GAB3: variants seen among roughly 807,000 people sequenced by gnomAD.
The protein encoded by GAB3 is GRB2-associated-binding protein 3.
In GAB3, 12 loss-of-function variants were observed where a neutral mutation model predicts 40.4. That is an observed-to-expected ratio of 0.30 (90% CI 0.19 to 0.48). The LOEUF (loss-of-function observed/expected upper bound fraction) is 0.48. GAB3 is among the 20% of genes least tolerant of loss of function. The pLI is 0.99. For missense variants in GAB3, 381 were observed against 461.9 expected (o/e 0.82, Z 1.61); for synonymous variants, 154 against 176.7 (o/e 0.87, Z 1.02).
intron 8 of GAB3, among the ~76,000 whole-genome samples, chrX:154,691,203 A>G (rs1351571928): frequency 7.2e-5 from 7 of 96,863 alleles, no homozygotes; most frequent in Non-Finnish European, 1.4e-4. Context: ...TCACTCATAG[A>G]TGGGAATTGA....
chrX:154,748,894 T>C (rs1433082076), intron 1 of GAB3, among the ~76,000 whole-genome samples: 1 of 111,826 alleles, frequency 8.9e-6, no homozygotes, highest in African/African-American at 3.3e-5. Context: ...CCCGTCGAAG[T>C]GACACATGAT....
rs1019348417 is a variant in GAB3, at chrX:154,676,356, T to A, written c.*1822A>T. 9.0e-6 allele frequency: 1 copy of A among 111,362 alleles called. No homozygotes were observed. The highest frequency in any genetic ancestry group is 3.3e-5 in the African/African-American group (1 of 30,554). The allele number at this position is 111,362 out of a possible 1,213,427, so 9.2% of individuals were successfully genotyped here. On this transcript the variant is annotated 3_prime_UTR_variant, in exon 10 of 10. Transcript: ENST00000424127. ...ACTACCCTCCATGGGAACTAGCAGT[T>A]TGAAGCCCTGGTTTCTTGCCTGAGA...
chrX:154,715,392 T>TTG (rs1310427920), intron 2 of GAB3, among the ~76,000 whole-genome samples: 4 of 105,252 alleles, frequency 3.8e-5, no homozygotes, highest in African/African-American at 1.5e-4. Context: ...ATAGGATGAG[T>TTG]TGTGTGTGTG....
chrX:154,701,338 C>A (rs2070737241), intron 4 of GAB3, among the ~76,000 whole-genome samples: 1 of 112,461 alleles, frequency 8.9e-6, no homozygotes, highest in Non-Finnish European at 1.9e-5. Flanking sequence ...CTACCAGACC[C>A]TTTTAAAGCC....
At chrX:154,748,588 A>T (rs2071563313) in intron 1 of GAB3, among the ~76,000 whole-genome samples, 1 of 112,726 alleles carries the variant, frequency 8.9e-6, no homozygotes, top group South Asian at 3.6e-4. Context: ...GTACAAGCCT[A>T]CTTTGGACTG....
At chrX:154,687,269 G>A (rs2070466935) in intron 8 of GAB3, among the ~76,000 whole-genome samples, 1 of 110,752 alleles carries the variant, frequency 9.0e-6, no homozygotes, top group African/African-American at 3.3e-5. Context: ...CTCAGTAATT[G>A]GAAGATTCAG....
intron 1 of GAB3, among the ~76,000 whole-genome samples, chrX:154,723,421 T>C (rs1442563897): frequency 1.8e-5 from 2 of 111,208 alleles, no homozygotes; most frequent in Admixed American, 9.5e-5. Context: ...AGTCAGAGTA[T>C]AAATAAGAGA....
intron 2 of GAB3, among the ~76,000 whole-genome samples, chrX:154,714,375 T>C (rs2071012221): frequency 9.0e-6 from 1 of 111,677 alleles, no homozygotes; most frequent in African/African-American, 3.3e-5. Context: ...AGAACTGCTG[T>C]GGGGATGAGA....
chrX:154,716,973 G>T (rs782738933), intron 1 of GAB3, among the ~76,000 whole-genome samples: 15 of 111,761 alleles, frequency 1.3e-4, no homozygotes, highest in African/African-American at 4.9e-4. Context: ...TTGTCTAAGC[G>T]CTTTACTGTA....
At chrX:154,744,960 T>G (rs1454009934) in intron 1 of GAB3, among the ~76,000 whole-genome samples, 1 of 111,919 alleles carries the variant, frequency 8.9e-6, no homozygotes, top group African/African-American at 3.3e-5. Flanking sequence ...CAGGGGAAAA[T>G]TAAATAATAC....
rs1557250611 is a variant in GAB3, at chrX:154,696,010, G to A, written c.1437C>T (p.Thr479=). 2 of 1,154,319 alleles carry A rather than the reference G, an allele frequency of 1.7e-6. No individual in the cohort carries two copies. The highest frequency in any genetic ancestry group is 2.4e-6 in the Non-Finnish European group (2 of 846,114). ...TRTRTVPCSR[T]SFLSPERNGI... is the part of the protein sequence containing the mutation. ...CATTTCTTTCTGGAGAGAGAAAGCT[G>A]GTTCGACTGCTAAGAATAAAAATAT... Residue 479 remains threonine, a synonymous_variant, in exon 8 of 10, where the codon ACC becomes ACT. Transcript: ENST00000424127.
chrX:154,697,330 G>T (rs782732055), intron 6 of GAB3, 117 bp from the exon 7 acceptor site: 6 of 454,723 alleles, frequency 1.3e-5, no homozygotes, highest in African/African-American at 1.0e-4. Flanking sequence ...CAGCACTGAT[G>T]ATGAGGGTGA....
At chrX:154,696,175 C>T in intron 7 of GAB3, 156 bp from the exon 8 acceptor site, 1 of 338,557 alleles carries the variant, frequency 3.0e-6, no homozygotes, top group East Asian at 4.1e-5. Flanking sequence ...ACAAAATGCC[C>T]AACAGTTTCT....
At chrX:154,712,788 G>A (rs1326392394) in intron 3 of GAB3, 87 bp from the exon 4 acceptor site, 10 of 518,382 alleles carry the variant, frequency 1.9e-5, no homozygotes, top group Non-Finnish European at 2.7e-5. Flanking sequence ...CATCTCCCCA[G>A]TACCACCTTG....
In GAB3 at chrX:154,716,138, G is replaced by A. The variant is rs1352388718; in HGVS notation, c.264C>T (p.Val88=). 4 of 1,210,839 alleles carry A rather than the reference G, an allele frequency of 3.3e-6. No individual in the cohort carries two copies. The African/African-American group carries it at 7.0e-5, about 21-fold the overall frequency. The change falls in exon 2 of 10, where the codon GTC becomes GTT. Residue 88 remains valine (V), a synonymous_variant. Transcript: ENST00000424127. ...KEFQNNFVFI[V]KTTSRTFYLV... The stretch of plus-strand genomic sequence containing the variant: ...GGTAGAATGTACGGGAAGTAGTCTT[G>A]ACAATGAACACGAAATTATTCTGAA...
rs112482490 is a variant in GAB3, at chrX:154,690,076, T to C, written c.1530+5841A>G. ...ACTGGTACCAAAACAGAGATATAGA[T>C]CAATGGAACAGAACAGAGCCCTCAG... On this transcript the variant is annotated intron_variant, in intron 8 of 9. Transcript: ENST00000424127. Among the ~76,000 whole-genome samples the C allele has an allele frequency of 6.4e-3, 694 of 108,935 alleles. 7 individuals carry two copies. Among genetic ancestry groups the C allele is most frequent in the Non-Finnish European group, 0.012 (603 of 52,215 alleles). 94.6% of individuals were successfully genotyped at this position (108,935 alleles called of 115,157 possible).
chrX:154,745,699 C>T (rs1011392489), intron 1 of GAB3, among the ~76,000 whole-genome samples: 5 of 111,909 alleles, frequency 4.5e-5, no homozygotes, highest in African/African-American at 1.6e-4. Flanking sequence ...CCTTGAAAGA[C>T]ACTAACGACA....
At chrX:154,710,155 A>G (rs1375478645) in intron 4 of GAB3, among the ~76,000 whole-genome samples, 2 of 112,776 alleles carry the variant, frequency 1.8e-5, no homozygotes, top group East Asian at 5.5e-4. Flanking sequence ...TGTCAATTAA[A>G]TATTTTAAAA....
At chrX:154,701,629 G>T (rs2070741161) in intron 4 of GAB3, among the ~76,000 whole-genome samples, 1 of 111,895 alleles carries the variant, frequency 8.9e-6, no homozygotes, top group Admixed American at 9.5e-5. Context: ...CACTACACAA[G>T]AAAACTATTA....
Sources: gnomAD v4.1 joint callset for allele counts (sites outside exome capture counted in the v4.1 genomes callset) on GRCh38, gnomAD v4.1.1 for gene constraint, MANE v1.5 for transcripts, NCBI Gene and HGNC (gene_info 2026-07-23, HGNC 2026-07-21) for gene names.